The following ARHGAP29 variants were observed in gnomAD, a reference collection of about 807,000 sequenced individuals.
The protein encoded by ARHGAP29 is Rho GTPase activating protein 29.
ARHGAP29 carries 43 observed loss-of-function variants against 122.6 expected under a neutral mutation model. The observed-to-expected ratio is 0.35, with a 90% CI of 0.27 to 0.45. The LOEUF (loss-of-function observed/expected upper bound fraction) is 0.45. Among genes scored for constraint, ARHGAP29 ranks in the 20% least tolerant of loss-of-function variants. The pLI, the probability that ARHGAP29 is intolerant of heterozygous loss-of-function variation, is 1.00. For synonymous variants in ARHGAP29, 506 were observed against 497.1 expected (o/e 1.02, Z -0.24); for missense variants, 1,303 against 1,477.2 (o/e 0.88, Z 1.93).
intron 1 of ARHGAP29, among the ~76,000 whole-genome samples, chr1:94,274,238 G>A (rs928952749): frequency 2.0e-5 from 3 of 152,152 alleles, no homozygotes; most frequent in African/African-American, 7.2e-5. Context: ...TACCAACTCT[G>A]TTGTCGTATC....
intron 2 of ARHGAP29, among the ~76,000 whole-genome samples, chr1:94,230,410 T>C (rs1176514893): frequency 1.3e-5 from 2 of 151,820 alleles, no homozygotes; most frequent in Admixed American, 1.3e-4. Context: ...TATGTGATTG[T>C]TGTTTTAAGG....
intron 1 of ARHGAP29, chr1:94,274,897 C>T (rs1319663303): frequency 6.6e-6 from 1 of 152,252 alleles, no homozygotes; most frequent in Non-Finnish European, 1.5e-5. Flanking sequence ...ACCTGGAGAT[C>T]TGTTCAAATA....
At chr1:94,307,826 C>T in the ARHGAP29 span, among the ~76,000 whole-genome samples, 3 of 152,150 alleles carry the variant, frequency 2.0e-5, no homozygotes, top group African/African-American at 4.8e-5. Context: ...TTCAAAAGTA[C>T]TAAATGGACA....
rs553278355 is a variant in ARHGAP29, at chr1:94,171,276, A to G, written c.*2593T>C. ...GGGATCATATAGTCTTTGTCTCTGT[A>G]TCAAAACAAATACACTGCCTAAGGT... On this transcript the variant is annotated 3_prime_UTR_variant, in exon 23 of 23. Coordinates refer to ENST00000260526, the MANE Select transcript of ARHGAP29 (RefSeq NM_004815.4). Among the ~76,000 whole-genome samples the G allele has an allele frequency of 6.6e-6, 1 of 152,318 alleles. No individual in the cohort carries two copies. The highest frequency in any genetic ancestry group is 6.5e-5 in the Admixed American group (1 of 15,300).
chr1:94,201,477 T>C lies in ARHGAP29; in HGVS notation c.1281+243A>G, dbSNP rs113738742. On this transcript the variant is annotated intron_variant, in intron 12 of 22. Coordinates refer to ENST00000260526, the MANE Select transcript of ARHGAP29 (RefSeq NM_004815.4). The stretch of plus-strand genomic sequence containing the variant: ...CCTCCCTTCCTTCCTCCCTCCCTTC[T>C]TTCCTCCCTCCCTTCTTTCCTTCCT... 8.0e-5 allele frequency among the ~76,000 whole-genome samples: 12 copies of C among 149,846 alleles called. No homozygotes were observed. In the East Asian group the frequency reaches 8.0e-4, roughly 10 times the overall value.
chr1:94,185,898 A>G (rs1035155442), intron 16 of ARHGAP29, among the ~76,000 whole-genome samples: 2 of 152,208 alleles, frequency 1.3e-5, no homozygotes, highest in African/African-American at 4.8e-5. Context: ...AGATAAAGCT[A>G]TCCTTAATTC....
At chr1:94,216,247 T>C (rs140504836) in intron 3 of ARHGAP29, among the ~76,000 whole-genome samples, 1 of 152,216 alleles carries the variant, frequency 6.6e-6, no homozygotes, top group Non-Finnish European at 1.5e-5. Flanking sequence ...CATCTATTAG[T>C]AGTTAACTGA....
chr1:94,176,294 T>A (rs1447928966), intron 22 of ARHGAP29, among the ~76,000 whole-genome samples: 2 of 152,144 alleles, frequency 1.3e-5, no homozygotes, highest in African/African-American at 4.8e-5. Flanking sequence ...ATCTAAATGA[T>A]CTACTAGGAA....
intron 3 of ARHGAP29, among the ~76,000 whole-genome samples, chr1:94,216,916 G>C (rs1651983620): frequency 1.3e-5 from 2 of 151,782 alleles, no homozygotes; most frequent in Non-Finnish European, 2.9e-5. Context: ...GAACACACAG[G>C]AAATACAAAT....
chr1:94,295,344 G>A, the ARHGAP29 span, among the ~76,000 whole-genome samples: 4 of 152,120 alleles, frequency 2.6e-5, no homozygotes, highest in Admixed American at 2.6e-4. Context: ...TTTGTTTTTA[G>A]GCTGCCTAGA....
At chr1:94,242,175 T>C (rs370127773), upstream of ARHGAP29, among the ~76,000 whole-genome samples, 1 of 152,136 alleles carries the variant, frequency 6.6e-6, no homozygotes. Flanking sequence ...CAGAAAGCTA[T>C]AGATGGACGA....
the ARHGAP29 span, among the ~76,000 whole-genome samples, chr1:94,284,458 C>A: frequency 4.3e-4 from 66 of 152,246 alleles, no homozygotes; most frequent in Non-Finnish European, 9.3e-4. Context: ...ACCCTATTTG[C>A]CCCTCTTTGT....
chr1:94,261,908 A>C (rs1296585886), intron 1 of ARHGAP29, among the ~76,000 whole-genome samples: 1 of 152,244 alleles, frequency 6.6e-6, no homozygotes, highest in East Asian at 1.9e-4. Flanking sequence ...GCTATTTTAA[A>C]CTTCGTATGG....
chr1:94,256,430 C>G (rs1438160767), intron 1 of ARHGAP29, among the ~76,000 whole-genome samples: 2 of 149,224 alleles, frequency 1.3e-5, no homozygotes, highest in African/African-American at 5.0e-5. Context: ...TTCTACTGAA[C>G]TTGGGTCAGA....
At chr1:94,263,994 G>A (rs1654658382) in intron 1 of ARHGAP29, among the ~76,000 whole-genome samples, 1 of 152,168 alleles carries the variant, frequency 6.6e-6, no homozygotes, top group African/African-American at 2.4e-5. Flanking sequence ...GAGCATCCTT[G>A]TTAAAACCGA....
At chr1:94,286,645 G>A in the ARHGAP29 span, among the ~76,000 whole-genome samples, 13,778 of 152,212 alleles carry the variant, frequency 0.091, 677 homozygotes, top group South Asian at 0.13. Context: ...TCCAGCCTGG[G>A]TGACAGAGTG....
intron 3 of ARHGAP29, among the ~76,000 whole-genome samples, chr1:94,213,982 C>T (rs1371649942): frequency 1.3e-5 from 2 of 152,148 alleles, no homozygotes; most frequent in Non-Finnish European, 2.9e-5. Context: ...ACAACACTAC[C>T]ACTTAATATG....
In ARHGAP29 at chr1:94,184,964, A is replaced by C. The variant is rs1217333885; in HGVS notation, c.2017T>G (p.Phe673Val). 3.1e-6 allele frequency: 5 copies of C among 1,613,596 alleles called. No individual in the cohort carries two copies. The highest frequency in any genetic ancestry group is 3.4e-6 in the Non-Finnish European group (4 of 1,179,672). ...GGTTCCTTTTTTGCAACTTGTGTGA[A>C]TTCTGCTCCAAATAAGTGTATTTTT... Reference protein sequence around the residue: ...PGKIHLFGAEFTQVAKKEPDG... With the variant: ...PGKIHLFGAEVTQVAKKEPDG... The change falls in exon 18 of 23, where the codon TTC becomes GTC. Residue 673 changes from phenylalanine to valine, a missense_variant. Physicochemically the swap from Phe to Val is conservative, Grantham distance 50. This residue lies in a region of ARHGAP29 where 91 missense variants were observed against 177.8 expected (regional missense o/e 0.51). Coordinates refer to ENST00000260526, the MANE Select transcript of ARHGAP29 (RefSeq NM_004815.4).
intron 2 of ARHGAP29, among the ~76,000 whole-genome samples, chr1:94,224,616 TA>T (rs1652510162): frequency 6.6e-6 from 1 of 152,186 alleles, no homozygotes; most frequent in Non-Finnish European, 1.5e-5. Context: ...AGAACTCACA[TA>T]AAAAACTCTT....
Sources: gnomAD v4.1 joint callset for allele counts (sites outside exome capture counted in the v4.1 genomes callset) on GRCh38, gnomAD v4.1.1 for gene constraint, gnomAD v4.1.1 regional missense constraint, MANE v1.5 for transcripts, NCBI Gene and HGNC (gene_info 2026-07-23, HGNC 2026-07-21) for gene names.